The following ABCA4 variants were observed in gnomAD, a reference collection of about 807,000 sequenced individuals.
The protein encoded by ABCA4 is retinal-specific phospholipid-transporting ATPase ABCA4.
ABCA4 carries 196 observed loss-of-function variants against 263.7 expected under a neutral mutation model. The ratio of observed to expected loss-of-function variants is 0.74; its 90% CI spans 0.66 to 0.84. ABCA4 has a LOEUF of 0.84. Among genes scored for constraint, ABCA4 ranks in the 40% least tolerant of loss-of-function variants. ABCA4 has a pLI of 0.00. For missense variants in ABCA4, 2,792 were observed against 2,855.1 expected, an observed-to-expected ratio of 0.98 and a Z score of 0.50; for synonymous variants, 1,133 against 1,094.2, an observed-to-expected ratio of 1.04 and a Z score of -0.70.
At chr1:94,045,709 G>A in intron 19 of ABCA4, 1 of 455,244 alleles carries the variant, frequency 2.2e-6, no homozygotes, top group Non-Finnish European at 4.4e-6. Flanking sequence ...CCACTAGAGG[G>A]AAACAGAACC....
intron 40 of ABCA4, among the ~76,000 whole-genome samples, chr1:94,009,799 C>T (rs1421571594): frequency 1.3e-5 from 2 of 152,182 alleles, no homozygotes; most frequent in African/African-American, 2.4e-5. Flanking sequence ...GGGTAGTCAA[C>T]CTCCTGACCT....
intron 5 of ABCA4, among the ~76,000 whole-genome samples, chr1:94,101,058 A>G (rs1418435714): frequency 6.6e-6 from 1 of 152,264 alleles, no homozygotes; most frequent in Non-Finnish European, 1.5e-5. Context: ...TCAGCTCATC[A>G]GAGCCAGCAA....
intron 5 of ABCA4, among the ~76,000 whole-genome samples, chr1:94,100,764 A>G (rs1662265496): frequency 6.6e-6 from 1 of 152,210 alleles, no homozygotes; most frequent in South Asian, 2.1e-4. Context: ...TCCTGATGGT[A>G]AAGGACACAA....
chr1:94,086,105 G>A (rs561012417), intron 6 of ABCA4, among the ~76,000 whole-genome samples: 32 of 152,280 alleles, frequency 2.1e-4, no homozygotes, highest in African/African-American at 7.0e-4. Flanking sequence ...TGACTTCTAG[G>A]TATGCTGGGC....
At position 94,008,876 on chromosome 1, in the gene ABCA4, A is replaced by G. The variant is rs372026650; in HGVS notation, c.5715-5T>C. 2.9e-5 allele frequency: 47 copies of G among 1,611,854 alleles called. No homozygotes were observed. In the Middle Eastern group the frequency reaches 6.6e-4, roughly 23 times the overall value. On this transcript the variant is annotated splice_polypyrimidine_tract_variant and splice_region_variant and intron_variant, in intron 40 of 49. Transcript: ENST00000370225. ...TCCTTAGTGGGCTCGGCAATCCTAG[A>G]TGAAGAAAAGGGGTCAGGATTGGGC...
At chr1:94,099,809 C>G (rs1365640966) in intron 5 of ABCA4, among the ~76,000 whole-genome samples, 4 of 152,228 alleles carry the variant, frequency 2.6e-5, no homozygotes, top group East Asian at 1.9e-4. Context: ...TCTATCTTGT[C>G]TGCAGGCCCT....
intron 1 of ABCA4, among the ~76,000 whole-genome samples, chr1:94,117,603 T>C (rs1662825754): frequency 1.3e-5 from 2 of 152,096 alleles, no homozygotes; most frequent in Admixed American, 6.5e-5. Flanking sequence ...GGCAGATGTA[T>C]ACTTGTCTTG....
intron 6 of ABCA4, among the ~76,000 whole-genome samples, chr1:94,086,660 T>C (rs1661834082): frequency 6.6e-6 from 1 of 152,144 alleles, no homozygotes; most frequent in South Asian, 2.1e-4. Flanking sequence ...ATGTTAACAA[T>C]TTGGCACATA....
chr1:94,080,761 A>T, intron 7 of ABCA4, 43 bp from the exon 8 acceptor site: 8 of 1,613,826 alleles, frequency 5.0e-6, no homozygotes, highest in Non-Finnish European at 6.8e-6. Context: ...AGGCAGCTAG[A>T]GTCATAATCT....
intron 17 of ABCA4, among the ~76,000 whole-genome samples, chr1:94,050,580 G>T (rs1660809351): frequency 6.6e-6 from 1 of 152,048 alleles, no homozygotes; most frequent in African/African-American, 2.4e-5. Context: ...TTTTTCTTAA[G>T]AGGCAGAGTA....
chr1:94,089,470 A>ATTTTT (rs60711208), intron 6 of ABCA4, among the ~76,000 whole-genome samples: 1 of 141,772 alleles, frequency 7.1e-6, no homozygotes, highest in African/African-American at 2.6e-5. Flanking sequence ...TTTCTTTTCT[A>ATTTTT]TTTTTTTTTT....
At chr1:93,996,442 C>A (rs930299656) in intron 48 of ABCA4, among the ~76,000 whole-genome samples, 1 of 152,140 alleles carries the variant, frequency 6.6e-6, no homozygotes, top group African/African-American at 2.4e-5. Context: ...ACTCAAGGGA[C>A]TTGGGCACCA....
chr1:94,109,645 T>G (rs1662546707), intron 3 of ABCA4, among the ~76,000 whole-genome samples: 2 of 152,136 alleles, frequency 1.3e-5, no homozygotes, highest in East Asian at 3.9e-4. Flanking sequence ...ATGGAGTAGA[T>G]ACAGAGGCCA....
At chr1:94,020,447 T>C (rs1015616127) in intron 35 of ABCA4, among the ~76,000 whole-genome samples, 2 of 152,234 alleles carry the variant, frequency 1.3e-5, no homozygotes, top group Non-Finnish European at 2.9e-5. Context: ...AGTCACTACC[T>C]TGATAAAACT....
chr1:94,097,842 C>T (rs777953713), intron 6 of ABCA4, among the ~76,000 whole-genome samples: 2 of 152,174 alleles, frequency 1.3e-5, no homozygotes, highest in African/African-American at 2.4e-5. Flanking sequence ...CTCCGCCTCC[C>T]GGGTTCACGC....
At chr1:94,094,871 C>G (rs915512612) in intron 6 of ABCA4, among the ~76,000 whole-genome samples, 1 of 152,162 alleles carries the variant, frequency 6.6e-6, no homozygotes. Context: ...TTATGAGGTG[C>G]GAAACATTTC....
At chr1:94,106,490 G>GA (rs1430431010) in intron 4 of ABCA4, among the ~76,000 whole-genome samples, 2 of 151,984 alleles carry the variant, frequency 1.3e-5, no homozygotes, top group African/African-American at 4.8e-5. Context: ...TTTAAATTAG[G>GA]AAAAAAACAC....
chr1:94,092,655 T>C lies in ABCA4; in HGVS notation c.768+6139A>G, dbSNP rs183588206. Among the ~76,000 whole-genome samples, 8 of 152,216 alleles carry C rather than the reference T, an allele frequency of 5.3e-5. No homozygotes were observed. In the East Asian group the frequency reaches 1.4e-3, roughly 26 times the overall value. On this transcript the variant is annotated intron_variant, in intron 6 of 49. Transcript: ENST00000370225. ...CTCAACTAGAGGGTGGGCTCTTGGG[T>C]ATGTGAACAGACAAGTTATGAGACT...
At chr1:94,007,128 C>A (rs3789381) in intron 43 of ABCA4, among the ~76,000 whole-genome samples, 13,436 of 152,170 alleles carry the variant, frequency 0.088, 1,192 homozygotes, top group African/African-American at 0.23. Flanking sequence ...AAGGCCCATG[C>A]ATGAGCCCCT....
Sources: gnomAD v4.1 joint callset for allele counts (sites outside exome capture counted in the v4.1 genomes callset) on GRCh38, gnomAD v4.1.1 for gene constraint, MANE v1.5 for transcripts, NCBI Gene and HGNC (gene_info 2026-07-23, HGNC 2026-07-21) for gene names.